Variants in MELK observed in about 807,000 individuals in gnomAD.
MELK encodes pEg3 kinase.
In MELK, 81 loss-of-function variants were observed where a neutral mutation model predicts 85.0. The ratio of observed to expected loss-of-function variants is 0.95; its 90% confidence interval spans 0.80 to 1.15. MELK has a LOEUF of 1.15. Among genes scored for constraint, MELK ranks in the 50% most tolerant of loss-of-function variants. MELK has a pLI of 0.00. For synonymous variants in MELK, 252 were observed against 265.0 expected (o/e 0.95, Z 0.48); for missense variants, 754 against 777.5 (o/e 0.97, Z 0.36).
At chr9:36,632,093 C>T (rs2136533869) in intron 9 of MELK, among the ~76,000 whole-genome samples, 2 of 152,316 alleles carry the variant, frequency 1.3e-5, no homozygotes, top group Middle Eastern at 3.4e-3. Flanking sequence ...CAAAATTACC[C>T]CGGGCTTGTT....
chr9:36,620,791 C>T (rs1400021741), intron 8 of MELK, among the ~76,000 whole-genome samples: 3 of 151,630 alleles, frequency 2.0e-5, no homozygotes, highest in Non-Finnish European at 4.4e-5. Flanking sequence ...CCTTGTGATC[C>T]GCCTGCCTTG....
At chr9:36,605,065 T>A (rs1825354442) in intron 7 of MELK, among the ~76,000 whole-genome samples, 1 of 151,886 alleles carries the variant, frequency 6.6e-6, no homozygotes, top group African/African-American at 2.4e-5. Context: ...AATTTTTTTA[T>A]CTTTTTAGTA....
rs149955481 is a variant in MELK at position 36,590,464 on chromosome 9, C to T, written c.261+812C>T. ...CACTCCTTGGTTTATAGATGCACCA[C>T]TCCCATCTTGGCCTCCGTCTTCAAA... On this transcript the variant is annotated intron_variant, in intron 4 of 17. Coordinates refer to ENST00000298048, the MANE Select transcript of MELK (RefSeq NM_014791.4). 3.3e-3 allele frequency among the ~76,000 whole-genome samples: 510 copies of T among 152,242 alleles called. 3 individuals carry two copies. Among genetic ancestry groups the T allele is most frequent in the Non-Finnish European group, 4.3e-3 (294 of 68,016 alleles).
At chr9:36,643,493 G>T (rs1011654974) in intron 11 of MELK, among the ~76,000 whole-genome samples, 1 of 152,184 alleles carries the variant, frequency 6.6e-6, no homozygotes, top group Non-Finnish European at 1.5e-5. Flanking sequence ...TTTCAGACCT[G>T]TGATTTTATT....
intron 8 of MELK, among the ~76,000 whole-genome samples, chr9:36,612,924 A>G (rs545864626): frequency 6.6e-6 from 1 of 152,330 alleles, no homozygotes; most frequent in Admixed American, 6.5e-5. Context: ...TTTAACTAAC[A>G]TATAACATTT....
chr9:36,592,350 T>G (rs1368699848), intron 4 of MELK, among the ~76,000 whole-genome samples: 1 of 151,860 alleles, frequency 6.6e-6, no homozygotes, highest in African/African-American at 2.4e-5. Context: ...AATTTTTGTA[T>G]TTTTTAGTAG....
chr9:36,574,430 CAAAAAA>C (rs78915626), intron 1 of MELK, among the ~76,000 whole-genome samples: 4 of 79,920 alleles, frequency 5.0e-5, no homozygotes, highest in Admixed American at 2.8e-4. Flanking sequence ...ACTAAAAATA[CAAAAAA>C]AAAAAAAAAA....
intron 12 of MELK, among the ~76,000 whole-genome samples, chr9:36,653,055 AATGGAGCATGTTGATTAGTGTTTG>A (rs1257363044): frequency 6.6e-6 from 1 of 152,150 alleles, no homozygotes; most frequent in Non-Finnish European, 1.5e-5. Flanking sequence ...TTCATACTGA[AATGGAGCATGTTGATTAGTGTTTG>A]TTATAACCAA....
At chr9:36,597,145 T>C (rs10972987) in intron 5 of MELK, 77 bp from the exon 6 acceptor site, 125,354 of 1,298,460 alleles carry the variant, frequency 0.097, 6,348 homozygotes, top group Middle Eastern at 0.15. Context: ...CCTTAAGTCA[T>C]TTTTAGAAAT....
At chr9:36,660,631 CT>C (rs1418063716) in intron 13 of MELK, among the ~76,000 whole-genome samples, 1 of 150,218 alleles carries the variant, frequency 6.7e-6, no homozygotes, top group East Asian at 2.0e-4. Flanking sequence ...ACCTCTAAAT[CT>C]TTTTAACAGA....
intron 7 of MELK, among the ~76,000 whole-genome samples, chr9:36,606,535 AAT>A (rs1825536790): frequency 7.4e-6 from 1 of 135,014 alleles, no homozygotes; most frequent in African/African-American, 2.7e-5. Flanking sequence ...TATAATATAT[AAT>A]ATATACATAT....
At chr9:36,585,904 C>T (rs1822841086) in intron 3 of MELK, among the ~76,000 whole-genome samples, 1 of 151,958 alleles carries the variant, frequency 6.6e-6, no homozygotes, top group South Asian at 2.1e-4. Context: ...CACCACTGCA[C>T]TCTAGCCTGG....
In MELK at chr9:36,677,182, C is replaced by G; in HGVS notation, c.1801C>G (p.Gln601Glu). ...CAGTTATACACTGAAGTGTCAAACA[C>G]AGTCAGATTTTGGGAAAGTGACAAT... ...QKGYTLKCQT[Q>E]SDFGKVTMQF... is the part of the protein sequence containing the mutation. Residue 601 changes from glutamine to glutamate, a missense_variant, in exon 18 of 18, where the codon CAG becomes GAG. By Grantham distance (29) the Gln-to-Glu change is conservative. Coordinates refer to ENST00000298048, the MANE Select transcript of MELK (RefSeq NM_014791.4). 3 of 1,613,820 alleles carry G rather than the reference C, an allele frequency of 1.9e-6. No individual in the cohort carries two copies. The highest frequency in any genetic ancestry group is 1.7e-6 in the Non-Finnish European group (2 of 1,179,822).
intron 14 of MELK, among the ~76,000 whole-genome samples, chr9:36,666,529 T>C (rs1832349046): frequency 6.6e-6 from 1 of 152,188 alleles, no homozygotes; most frequent in Admixed American, 6.5e-5. Context: ...CTTTAAAAAA[T>C]GTTACCTAAA....
At position 36,674,880 on chromosome 9, in the gene MELK, T is replaced by C; in HGVS notation, c.1721T>C (p.Leu574Pro). The change falls in exon 17 of 18, where the codon CTG becomes CCG. Residue 574 changes from leucine to proline, a missense_variant. By Grantham distance (98) the Leu-to-Pro change is moderately conservative (BLOSUM62 -3). Coordinates refer to ENST00000298048, the MANE Select transcript of MELK (RefSeq NM_014791.4). The part of the protein sequence containing the change: ...TTTRLVNPDQ[L>P]LNEIMSILPK... ...ACTAGATTAGTGAATCCAGATCAAC[T>C]GTTGAATGAAATAATGTCTATTCTT... 6.2e-7 allele frequency: 1 copy of C among 1,601,462 alleles called. No homozygotes were observed. The highest frequency in any genetic ancestry group is 8.6e-7 in the Non-Finnish European group (1 of 1,168,696).
chr9:36,576,598 C>T (rs1303287450), intron 1 of MELK, among the ~76,000 whole-genome samples: 1 of 152,078 alleles, frequency 6.6e-6, no homozygotes, highest in Non-Finnish European at 1.5e-5. Flanking sequence ...GTGGCGTGAT[C>T]GCGGGTCACT....
In MELK at chr9:36,589,655, T is replaced by C. The variant is rs186850145; in HGVS notation, c.261+3T>C. ...ACAAAATATTCATGGTTCTTGAGGT[T>C]AGTAGTATGTTCCAGATACCTGAAA... On this transcript the variant is annotated splice_donor_region_variant and intron_variant, in intron 4 of 17. Coordinates refer to ENST00000298048, the MANE Select transcript of MELK (RefSeq NM_014791.4). 1 of 1,582,296 alleles carries C rather than the reference T, an allele frequency of 6.3e-7. No homozygotes were observed. Among genetic ancestry groups the C allele is most frequent in the South Asian group, 1.1e-5 (1 of 90,412 alleles).
chr9:36,625,110 C>T lies in MELK; in HGVS notation c.667-5189C>T, dbSNP rs139331442. On this transcript the variant is annotated intron_variant, in intron 8 of 17. Transcript: ENST00000298048. ...GTACAGATAGTGTCCAGAGAGTAAGCAGCAAACGGCTTTGCAAACAGCAGA... is the reference window on the plus strand; with the variant it reads ...GTACAGATAGTGTCCAGAGAGTAAGTAGCAAACGGCTTTGCAAACAGCAGA... 2.0e-5 allele frequency among the ~76,000 whole-genome samples: 3 copies of T among 152,234 alleles called. No individual in the cohort carries two copies. The East Asian group carries it at 5.8e-4, about 29-fold the overall frequency.
chr9:36,607,367 C>G (rs1221025812), intron 7 of MELK, among the ~76,000 whole-genome samples: 3 of 152,144 alleles, frequency 2.0e-5, no homozygotes, highest in Admixed American at 6.5e-5. Context: ...GGAGGTCTTC[C>G]TGGGTGGCCT....
Sources: gnomAD v4.1 joint callset for allele counts (sites outside exome capture counted in the v4.1 genomes callset) on GRCh38, gnomAD v4.1.1 for gene constraint, MANE v1.5 for transcripts, NCBI Gene and HGNC (gene_info 2026-07-23, HGNC 2026-07-21) for gene names.